PLXNA4: variants seen among roughly 807,000 people sequenced by gnomAD.
PLXNA4 encodes the protein plexin-A4.
In PLXNA4, 44 loss-of-function variants were observed where a neutral mutation model predicts 191.8. The ratio of observed to expected loss-of-function variants is 0.23; its 90% CI spans 0.18 to 0.29. PLXNA4 has a LOEUF of 0.29. Among genes scored for constraint, PLXNA4 ranks in the 10% least tolerant of loss-of-function variants. The pLI is 1.00. For synonymous variants in PLXNA4, 1,082 were observed against 1,009.5 expected (o/e 1.07, Z -1.36); for missense variants, 1,800 against 2,488.8 (o/e 0.72, Z 5.89).
At position 132,124,008 on chromosome 7, in the gene PLXNA4, G is replaced by A. The variant is rs1465786485; in HGVS notation, c.*6471C>T. On this transcript the variant is annotated 3_prime_UTR_variant, in exon 32 of 32. Coordinates refer to ENST00000321063, the MANE Select transcript of PLXNA4 (RefSeq NM_020911.2). ...AGGACCCTGCTGGAAGAGATGGGCTGGCCCCTACATGCTAAAGTGGGGAGG... is the reference window on the plus strand; with the variant it reads ...AGGACCCTGCTGGAAGAGATGGGCTAGCCCCTACATGCTAAAGTGGGGAGG... The A allele has an allele frequency of 6.6e-6, 1 of 152,246 alleles. No homozygotes were observed. Among genetic ancestry groups the A allele is most frequent in the Non-Finnish European group, 1.5e-5 (1 of 68,070 alleles). The allele number at this position is 152,246 out of a possible 1,614,324, so 9.4% of individuals were successfully genotyped here. A position where few individuals can be genotyped will look rare whatever the true frequency, so the allele number is the denominator to read the frequency against.
chr7:132,398,365 C>T (rs1793844382), intron 3 of PLXNA4, among the ~76,000 whole-genome samples: 1 of 152,226 alleles, frequency 6.6e-6, no homozygotes, highest in African/African-American at 2.4e-5. Context: ...GTCCCGCTCT[C>T]CTGAATAGCC....
intron 3 of PLXNA4, among the ~76,000 whole-genome samples, chr7:132,479,033 C>T (rs1486471103): frequency 2.0e-5 from 3 of 151,874 alleles, no homozygotes; most frequent in Admixed American, 2.0e-4. Context: ...TTTGGGAGGC[C>T]GAGGTGGGAG....
intron 4 of PLXNA4, among the ~76,000 whole-genome samples, chr7:132,291,622 G>GTA (rs1800894246): frequency 6.6e-6 from 1 of 152,104 alleles, no homozygotes; most frequent in Non-Finnish European, 1.5e-5. Flanking sequence ...ATGCACATGT[G>GTA]TACACACACA....
In PLXNA4 at chr7:132,518,936, G is replaced by A. The variant is rs892303; in HGVS notation, c.-86-10157C>T. Among the ~76,000 whole-genome samples the A allele has an allele frequency of 6.6e-3, 1,009 of 152,232 alleles. 11 individuals are homozygous for A. Among genetic ancestry groups the A allele is most frequent in the African/African-American group, 0.023 (959 of 41,552 alleles). On this transcript the variant is annotated intron_variant, in intron 1 of 31. Coordinates refer to ENST00000321063, the MANE Select transcript of PLXNA4 (RefSeq NM_020911.2). ...CTGGCCAAGTCTGCCGTTCCCAGTAGAGTCGAGCAGGAGCTCCAGCCGAGG... is the reference window on the plus strand; with the variant it reads ...CTGGCCAAGTCTGCCGTTCCCAGTAAAGTCGAGCAGGAGCTCCAGCCGAGG...
intron 2 of PLXNA4, among the ~76,000 whole-genome samples, chr7:132,597,734 C>A (rs1802740136): frequency 6.6e-6 from 1 of 152,076 alleles, no homozygotes; most frequent in African/African-American, 2.4e-5. Context: ...GTGTATATTT[C>A]ATGCATATAG....
chr7:132,628,286 T>G (rs1803420959), intron 2 of PLXNA4, among the ~76,000 whole-genome samples: 1 of 152,198 alleles, frequency 6.6e-6, no homozygotes, highest in Non-Finnish European at 1.5e-5. Context: ...ATGTTGTTGA[T>G]GAGAAGACCC....
chr7:132,354,908 G>A (rs1332406842), intron 3 of PLXNA4, among the ~76,000 whole-genome samples: 2 of 152,194 alleles, frequency 1.3e-5, no homozygotes, highest in Non-Finnish European at 2.9e-5. Context: ...AACACAATTC[G>A]TAAAAGATGA....
chr7:132,590,179 G>T (rs1407822918), intron 2 of PLXNA4, among the ~76,000 whole-genome samples: 1 of 152,178 alleles, frequency 6.6e-6, no homozygotes, highest in Non-Finnish European at 1.5e-5. Flanking sequence ...TATGAACCAA[G>T]CCTGGTTCCA....
At chr7:132,145,887 T>C (rs1350125551) in intron 28 of PLXNA4, among the ~76,000 whole-genome samples, 4 of 130,882 alleles carry the variant, frequency 3.1e-5, no homozygotes, top group East Asian at 2.2e-4. Flanking sequence ...CTGGCCAACA[T>C]GGTGAAACCC....
At chr7:132,371,485 G>A (rs2116899974) in intron 3 of PLXNA4, among the ~76,000 whole-genome samples, 1 of 152,250 alleles carries the variant, frequency 6.6e-6, no homozygotes, top group East Asian at 1.9e-4. Context: ...TTAGATGTAG[G>A]AGCATATTTC....
chr7:132,476,576 A>G (rs1294349074), intron 3 of PLXNA4, among the ~76,000 whole-genome samples: 1 of 152,228 alleles, frequency 6.6e-6, no homozygotes, highest in Non-Finnish European at 1.5e-5. Flanking sequence ...GTTTTAAGTC[A>G]GTAGACAGCT....
At chr7:132,409,288 G>A (rs1017971609) in intron 3 of PLXNA4, among the ~76,000 whole-genome samples, 13 of 152,166 alleles carry the variant, frequency 8.5e-5, no homozygotes, top group African/African-American at 2.9e-4. Flanking sequence ...GCAGTAGATG[G>A]CTTGGTGGCC....
chr7:132,533,148 A>G (rs1040244593), intron 1 of PLXNA4, among the ~76,000 whole-genome samples: 3 of 152,208 alleles, frequency 2.0e-5, no homozygotes, highest in African/African-American at 4.8e-5. Flanking sequence ...TTATACCTGT[A>G]TTCCCTTTGC....
chr7:132,283,957 T>C (rs907194546), intron 4 of PLXNA4, among the ~76,000 whole-genome samples: 1 of 152,202 alleles, frequency 6.6e-6, no homozygotes, highest in African/African-American at 2.4e-5. Flanking sequence ...GGAGGATCAC[T>C]TAAGCCCAGG....
upstream of PLXNA4, chr7:132,577,062 G>A (rs1226950002): frequency 1.4e-5 from 2 of 146,500 alleles, no homozygotes; most frequent in East Asian, 2.0e-4. Flanking sequence ...GGCCGGGGCT[G>A]GGGGGCCGCG....
intron 2 of PLXNA4, among the ~76,000 whole-genome samples, chr7:132,638,238 C>A (rs946916126): frequency 6.6e-6 from 1 of 152,238 alleles, no homozygotes; most frequent in Non-Finnish European, 1.5e-5. Context: ...CCAGGCACAG[C>A]CCTGTGCCCA....
chr7:132,637,776 C>G (rs1429760371), intron 2 of PLXNA4, among the ~76,000 whole-genome samples: 1 of 152,200 alleles, frequency 6.6e-6, no homozygotes. Context: ...TTTGCCTCAT[C>G]TCCCATGCCT....
intron 3 of PLXNA4, among the ~76,000 whole-genome samples, chr7:132,439,333 C>A (rs924585373): frequency 6.6e-6 from 1 of 152,156 alleles, no homozygotes; most frequent in Non-Finnish European, 1.5e-5. Flanking sequence ...GCAAACTGGT[C>A]TCTCAGAATG....
chr7:132,265,631 A>G (rs117623808), intron 4 of PLXNA4, among the ~76,000 whole-genome samples: 1 of 152,142 alleles, frequency 6.6e-6, no homozygotes, highest in South Asian at 2.1e-4. Flanking sequence ...GTATTTATGA[A>G]TCCCTGAATC....
Sources: allele counts gnomAD v4.1 joint callset (sites outside exome capture counted in the v4.1 genomes callset), GRCh38; gene constraint gnomAD v4.1.1; transcripts MANE v1.5; gene names NCBI Gene and HGNC (gene_info 2026-07-23, HGNC 2026-07-21).